Variants in ST18 observed in about 807,000 individuals in gnomAD.
ST18 encodes suppression of tumorigenicity 18 protein.
A neutral mutation model predicts 110.0 loss-of-function variants in ST18; 50 were observed. The ratio of observed to expected loss-of-function variants is 0.45; its 90% CI spans 0.36 to 0.58. ST18 has a LOEUF of 0.58. Ranked by LOEUF, ST18 falls within the 20% of genes least tolerant of loss-of-function variation. ST18 has a pLI of 0.00. For missense variants in ST18, 1,306 were observed against 1,280.1 expected (o/e 1.02, Z -0.31); for synonymous variants, 461 against 452.4 (o/e 1.02, Z -0.24).
At chr8:52,236,634 T>C (rs1178370387) in intron 2 of ST18, among the ~76,000 whole-genome samples, 1 of 149,544 alleles carries the variant, frequency 6.7e-6, no homozygotes, top group Non-Finnish European at 1.5e-5. Flanking sequence ...AAAAAAACTA[T>C]ATCTGATGCC....
chr8:52,350,365 A>G lies in ST18; in HGVS notation c.-465+58963T>C, dbSNP rs143261970. 1.6e-4 allele frequency among the ~76,000 whole-genome samples: 24 copies of G among 152,274 alleles called. No individual in the cohort carries two copies. In the East Asian group the frequency reaches 4.3e-3, roughly 27 times the overall value. Reference sequence around the variant, plus strand: ...TCTGTGACGTGTTTGACCTTGAGACAAACGATTCTGGTGATCTCCTGTGTA... The same window carrying G: ...TCTGTGACGTGTTTGACCTTGAGACGAACGATTCTGGTGATCTCCTGTGTA... On this transcript the variant is annotated intron_variant, in intron 2 of 25. Transcript: ENST00000689386.
At chr8:52,184,374 T>C (rs2071136880) in intron 8 of ST18, among the ~76,000 whole-genome samples, 1 of 152,246 alleles carries the variant, frequency 6.6e-6, no homozygotes, top group African/African-American at 2.4e-5. Context: ...TTTCAAGTTT[T>C]GACTGTATTA....
At chr8:52,250,679 T>TA (rs1394487867) in intron 2 of ST18, among the ~76,000 whole-genome samples, 2 of 149,780 alleles carry the variant, frequency 1.3e-5, no homozygotes, top group East Asian at 3.9e-4. Context: ...AAAAAATTGC[T>TA]AAAATGTACA....
intron 2 of ST18, among the ~76,000 whole-genome samples, chr8:52,319,958 T>C (rs1312641760): frequency 1.3e-5 from 2 of 152,144 alleles, no homozygotes; most frequent in Non-Finnish European, 2.9e-5. Context: ...GACCAGGTCT[T>C]GAAAGTCACA....
intron 2 of ST18, among the ~76,000 whole-genome samples, chr8:52,311,108 G>A (rs958844330): frequency 1.3e-5 from 2 of 152,220 alleles, no homozygotes; most frequent in African/African-American, 4.8e-5. Context: ...GGCTGGGGAA[G>A]AAGCAGATAG....
intron 2 of ST18, among the ~76,000 whole-genome samples, chr8:52,284,895 T>A (rs963959885): frequency 3.3e-5 from 5 of 152,144 alleles, no homozygotes; most frequent in Admixed American, 2.0e-4. Flanking sequence ...AAATTGGTTA[T>A]CATACCTTTA....
chr8:52,254,395 C>T (rs1240579384), intron 2 of ST18: 1 of 152,096 alleles, frequency 6.6e-6, no homozygotes, highest in Non-Finnish European at 1.5e-5. Context: ...CGTTTGTGTC[C>T]CCTCCTTACG....
intron 8 of ST18, among the ~76,000 whole-genome samples, chr8:52,193,143 G>C (rs1487177067): frequency 6.6e-6 from 1 of 152,214 alleles, no homozygotes; most frequent in Non-Finnish European, 1.5e-5. Flanking sequence ...AAACTGTCTA[G>C]ATCAGCAGAG....
chr8:52,171,027 T>G (rs898998215), intron 10 of ST18, among the ~76,000 whole-genome samples: 5 of 152,034 alleles, frequency 3.3e-5, no homozygotes, highest in African/African-American at 1.2e-4. Flanking sequence ...ACCTGGAAAC[T>G]TAGAGAAAAA....
intron 7 of ST18, 100 bp from the exon 8 acceptor site, chr8:52,212,209 AGTTT>A (rs2082425520): frequency 9.1e-7 from 1 of 1,104,490 alleles, no homozygotes; most frequent in African/African-American, 1.6e-5. Context: ...ACGACCAATA[AGTTT>A]CTCACTGGGT....
intron 2 of ST18, among the ~76,000 whole-genome samples, chr8:52,348,266 G>C (rs1261355183): frequency 6.6e-6 from 1 of 152,190 alleles, no homozygotes; most frequent in African/African-American, 2.4e-5. Flanking sequence ...AGCAAGGCAA[G>C]TGGATGCCTC....
At chr8:52,121,880 T>C (rs575159411) in intron 23 of ST18, among the ~76,000 whole-genome samples, 1 of 152,320 alleles carries the variant, frequency 6.6e-6, no homozygotes, top group East Asian at 1.9e-4. Flanking sequence ...AGAGTCTCAC[T>C]CTGTCACCAG....
At position 52,137,405 on chromosome 8, in the gene ST18, T is replaced by C. The variant is rs531902749; in HGVS notation, c.2231+16A>G. 3 of 1,613,806 alleles carry C rather than the reference T, an allele frequency of 1.9e-6. No individual in the cohort carries two copies. Among genetic ancestry groups the C allele is most frequent in the Non-Finnish European group, 2.5e-6 (3 of 1,179,864 alleles). ...AAGACCATGAAAATCTGACTGCACA[T>C]GAGGTCATTGGGTACCTGCGATGAG... On this transcript the variant is annotated intron_variant, in intron 18 of 25. Coordinates refer to ENST00000689386, the MANE Select transcript of ST18 (RefSeq NM_001352837.2).
Position 52,118,809 on chromosome 8 carries a change from C to G in ST18, c.2756-368G>C, listed in dbSNP as rs143622983. On this transcript the variant is annotated intron_variant, in intron 23 of 25. Coordinates refer to ENST00000689386, the MANE Select transcript of ST18 (RefSeq NM_001352837.2). ...AGCCCAGAGAGGTTAAATGAGACCC[C>G]AAGAATCACTGACAGAAGTTAAATA... Among the ~76,000 whole-genome samples, 4 of 152,142 alleles carry G rather than the reference C, an allele frequency of 2.6e-5. No individual in the cohort carries two copies. In the East Asian group the frequency reaches 5.8e-4, roughly 22 times the overall value.
intron 13 of ST18, among the ~76,000 whole-genome samples, chr8:52,162,421 G>A (rs926473376): frequency 1.3e-5 from 2 of 152,154 alleles, no homozygotes; most frequent in East Asian, 3.8e-4. Flanking sequence ...GCCTAAGAGG[G>A]GCAGTACAGA....
chr8:52,377,192 G>GA (rs1194289239), intron 2 of ST18, among the ~76,000 whole-genome samples: 3 of 151,818 alleles, frequency 2.0e-5, no homozygotes, highest in African/African-American at 4.8e-5. Context: ...TTTCAAACTA[G>GA]AAAAAAAATA....
intron 2 of ST18, among the ~76,000 whole-genome samples, chr8:52,302,616 C>T (rs952936031): frequency 3.6e-4 from 55 of 152,076 alleles, no homozygotes; most frequent in African/African-American, 1.1e-3. Context: ...AAGGGCAGAA[C>T]AGTACAAAGT....
intron 2 of ST18, among the ~76,000 whole-genome samples, chr8:52,259,178 T>G (rs2094608239): frequency 6.6e-6 from 1 of 152,194 alleles, no homozygotes. Flanking sequence ...AGTTTCCCTT[T>G]GAATACTTCA....
intron 15 of ST18, among the ~76,000 whole-genome samples, chr8:52,158,252 A>G (rs1294216464): frequency 2.6e-5 from 4 of 152,210 alleles, no homozygotes; most frequent in African/African-American, 7.2e-5. Context: ...GATTAATTTC[A>G]TGGGCTTCAG....
Sources: allele counts gnomAD v4.1 joint callset (sites outside exome capture counted in the v4.1 genomes callset), GRCh38; gene constraint gnomAD v4.1.1; transcripts MANE v1.5; gene names NCBI Gene and HGNC (gene_info 2026-07-23, HGNC 2026-07-21).